The following OBP2B variants were observed in gnomAD, a reference collection of about 807,000 sequenced individuals.
OBP2B encodes odorant-binding protein 2b.
Under a neutral mutation model 21.7 loss-of-function variants are expected in OBP2B, and 10 were observed. That is an observed-to-expected ratio of 0.46 (90% confidence interval 0.28 to 0.78). The LOEUF (loss-of-function observed/expected upper bound fraction) is 0.78, where lower values mean the gene tolerates loss of function less well. Ranked by LOEUF, OBP2B falls within the 30% of genes least tolerant of loss-of-function variation. The pLI, the probability that OBP2B is intolerant of heterozygous loss-of-function variation, is 0.11. For synonymous variants in OBP2B, 73 were observed against 91.5 expected (o/e 0.80, Z 1.16); for missense variants, 153 against 217.7 (o/e 0.70, Z 1.87).
chr9:133,212,985 G>A (rs1833933528), upstream of OBP2B, among the ~76,000 whole-genome samples: 1 of 151,308 alleles, frequency 6.6e-6, no homozygotes, highest in African/African-American at 2.4e-5. Flanking sequence ...CAGTGCTTTG[G>A]AGCCCCACGT....
At chr9:133,219,623 G>A in the OBP2B span, among the ~76,000 whole-genome samples, 8 of 152,328 alleles carry the variant, frequency 5.3e-5, no homozygotes, top group South Asian at 1.0e-3. Context: ...AACAAGGGTT[G>A]GCAAGGATGT....
intron 2 of OBP2B, 35 bp downstream of exon 2, chr9:133,208,434 G>A (rs782465498): frequency 3.1e-6 from 5 of 1,604,274 alleles, no homozygotes; most frequent in Non-Finnish European, 4.3e-6. Context: ...GGGAGCGAAA[G>A]TGGCCTGAGG....
At chr9:133,220,297 A>G in the OBP2B span, among the ~76,000 whole-genome samples, 3 of 151,736 alleles carry the variant, frequency 2.0e-5, no homozygotes, top group African/African-American at 7.3e-5. Context: ...TTTAAAAACC[A>G]CCTCCCCAGA....
In OBP2B at chr9:133,208,597, T is replaced by G. The variant is rs1452751405; in HGVS notation, c.78A>C (p.Thr26=). The stretch of plus-strand genomic sequence containing the variant: ...CCATGGCCTTCACGTACCAGGTCCC[T>G]GTGATCTGGAGCAGGCCAAGGCCGT... ...LSFTLEEEDI[T]GTWYVKAMVV... is the part of the protein sequence containing the mutation. The change falls in exon 2 of 7, where the codon ACA becomes ACC. Residue 26 remains threonine (T), a synonymous_variant. Transcript: ENST00000372034. The G allele has an allele frequency of 6.8e-6, 11 of 1,608,286 alleles. No individual in the cohort carries two copies. Among genetic ancestry groups the G allele is most frequent in the African/African-American group, 2.7e-5 (2 of 74,772 alleles).
chr9:133,205,527 G>A (rs1298478476), intron 6 of OBP2B, 116 bp from the exon 7 acceptor site: 39 of 718,676 alleles, frequency 5.4e-5, no homozygotes, highest in African/African-American at 2.5e-4. Flanking sequence ...GGGCAACCTC[G>A]GGGCTCCAGA....
the OBP2B span, among the ~76,000 whole-genome samples, chr9:133,219,419 C>T: frequency 6.6e-6 from 1 of 152,132 alleles, no homozygotes. Flanking sequence ...ACTTATAACT[C>T]AACATAAAAA....
intron 3 of OBP2B, chr9:133,207,697 G>C (rs1433656560): frequency 4.0e-6 from 2 of 504,670 alleles, no homozygotes; most frequent in East Asian, 5.0e-5. Context: ...CCTAACCCTC[G>C]GCCTCCTCAT....
chr9:133,209,684 G>A (rs1389037731), upstream of OBP2B, among the ~76,000 whole-genome samples: 1 of 152,094 alleles, frequency 6.6e-6, no homozygotes, highest in Non-Finnish European at 1.5e-5. This position sits in a 1 kb window ranked among gnomAD's most constrained non-coding sequence, Gnocchi z 6.0. Flanking sequence ...AGAGACGTGG[G>A]GCTGCTGCCA....
At chr9:133,212,599 G>A (rs1290381525), upstream of OBP2B, among the ~76,000 whole-genome samples, 2 of 152,184 alleles carry the variant, frequency 1.3e-5, no homozygotes, top group Non-Finnish European at 2.9e-5. Context: ...AAGCCTGAAG[G>A]TAAATTTAAA....
chr9:133,206,036 G>A lies in OBP2B; in HGVS notation c.491-96C>T, dbSNP rs563774815. On this transcript the variant is annotated intron_variant, in intron 5 of 6. Coordinates refer to ENST00000372034, the MANE Select transcript of OBP2B (RefSeq NM_014581.4). ...AGAGCTCAGAGCCCCAGAGCCCATC[G>A]CAGCCCAGAGCGCGGAGCCCCAGAC... The A allele has an allele frequency of 2.3e-5, 36 of 1,552,152 alleles. 1 individual carries two copies. The highest frequency in any genetic ancestry group is 1.6e-4 in the African/African-American group (12 of 73,658).
chr9:133,223,197 C>T, the OBP2B span, among the ~76,000 whole-genome samples: 1 of 152,206 alleles, frequency 6.6e-6, no homozygotes, highest in Admixed American at 6.5e-5. The surrounding 1 kb of genome is among the most constrained non-coding windows in gnomAD (Gnocchi z 4.4). Flanking sequence ...GATGGCCCCA[C>T]ATAACATGGA....
At chr9:133,205,635 T>G in intron 6 of OBP2B, 1 of 602,710 alleles carries the variant, frequency 1.7e-6, no homozygotes. Flanking sequence ...CAGGGGGCGA[T>G]GGGCTGAGCT....
At chr9:133,222,456 A>G in the OBP2B span, among the ~76,000 whole-genome samples, 1 of 152,228 alleles carries the variant, frequency 6.6e-6, no homozygotes, top group African/African-American at 2.4e-5. Context: ...GGCTGGCTGC[A>G]GTGGCTCACA....
the OBP2B span, among the ~76,000 whole-genome samples, chr9:133,217,456 C>A: frequency 6.6e-6 from 1 of 152,206 alleles, no homozygotes; most frequent in Non-Finnish European, 1.5e-5. Flanking sequence ...AGCATGGGTC[C>A]AGGATGACTG....
upstream of OBP2B, among the ~76,000 whole-genome samples, chr9:133,210,045 G>C (rs1384932165): frequency 6.6e-6 from 1 of 152,126 alleles, no homozygotes; most frequent in Non-Finnish European, 1.5e-5. Flanking sequence ...CCCCAGGACA[G>C]GCCTTGAATC....
chr9:133,218,989 A>C, the OBP2B span, among the ~76,000 whole-genome samples: 5 of 152,350 alleles, frequency 3.3e-5, no homozygotes, highest in East Asian at 9.6e-4. Context: ...GAAGAAAATC[A>C]ACACCCCACA....
At chr9:133,218,545 G>A in the OBP2B span, among the ~76,000 whole-genome samples, 1 of 152,202 alleles carries the variant, frequency 6.6e-6, no homozygotes, top group Non-Finnish European at 1.5e-5. Context: ...GGGCATCCAG[G>A]AGAACAGGGG....
the OBP2B span, among the ~76,000 whole-genome samples, chr9:133,222,489 A>G: frequency 6.6e-6 from 1 of 152,138 alleles, no homozygotes. Context: ...GCACTTTGGG[A>G]GGCATAGGTG....
At chr9:133,208,352 C>T in intron 2 of OBP2B, 117 bp downstream of exon 2, 1 of 1,599,620 alleles carries the variant, frequency 6.3e-7, no homozygotes, top group Non-Finnish European at 8.5e-7. Context: ...TGTTTCCCTC[C>T]AAGGCAGGGG....
Sources: allele counts gnomAD v4.1 joint callset (sites outside exome capture counted in the v4.1 genomes callset), GRCh38; gene constraint gnomAD v4.1.1; non-coding constraint Gnocchi (gnomAD v3.1); transcripts MANE v1.5; gene names NCBI Gene and HGNC (gene_info 2026-07-23, HGNC 2026-07-21).